The following LTBP1 variants were observed in gnomAD, a reference collection of about 807,000 sequenced individuals.
The protein encoded by LTBP1 is latent-transforming growth factor beta-binding protein 1.
A neutral mutation model predicts 207.6 loss-of-function variants in LTBP1; 129 were observed. That is an observed-to-expected ratio of 0.62 (90% CI 0.54 to 0.72). The LOEUF (loss-of-function observed/expected upper bound fraction) is 0.72. Among genes scored for constraint, LTBP1 ranks in the 30% least tolerant of loss-of-function variants. LTBP1 has a pLI of 0.00. For missense variants in LTBP1, 2,281 were observed against 2,217.2 expected, an observed-to-expected ratio of 1.03 and a Z score of -0.58; for synonymous variants, 963 against 833.7, an observed-to-expected ratio of 1.16 and a Z score of -2.67.
chr2:33,109,199 C>G (rs2080244025), intron 3 of LTBP1, among the ~76,000 whole-genome samples: 1 of 152,236 alleles, frequency 6.6e-6, no homozygotes, highest in African/African-American at 2.4e-5. Flanking sequence ...TAGAGTGAGA[C>G]TATTCAAGTT....
intron 31 of LTBP1, among the ~76,000 whole-genome samples, chr2:33,366,551 G>A (rs1252610511): frequency 6.6e-6 from 1 of 152,234 alleles, no homozygotes; most frequent in African/African-American, 2.4e-5. Context: ...CAAAGCACTA[G>A]ATGGCAATGA....
chr2:33,153,212 G>T (rs2083681764), intron 5 of LTBP1, among the ~76,000 whole-genome samples: 1 of 152,190 alleles, frequency 6.6e-6, no homozygotes, highest in African/African-American at 2.4e-5. Context: ...TACAACTCCA[G>T]TGATACATTG....
chr2:33,121,315 T>C (rs1462309628), intron 4 of LTBP1, among the ~76,000 whole-genome samples: 24 of 152,142 alleles, frequency 1.6e-4, no homozygotes, highest in Admixed American at 1.6e-3. Context: ...AAATATGCAG[T>C]GTTTTGTGAA....
At chr2:33,127,443 T>A (rs1039387825) in intron 4 of LTBP1, among the ~76,000 whole-genome samples, 1 of 152,186 alleles carries the variant, frequency 6.6e-6, no homozygotes, top group Non-Finnish European at 1.5e-5. Context: ...TGTCTGCCCT[T>A]CCTGTTGCTT....
In LTBP1 at chr2:33,397,413, A is replaced by ATT. The variant is rs543905217; in HGVS notation, c.4984+132_4984+133dup. The ATT allele has an allele frequency of 3.0e-4, 264 of 871,620 alleles. 1 individual carries two copies. In the African/African-American group the frequency reaches 4.0e-3, roughly 13 times the overall value. 54.0% of individuals were successfully genotyped at this position (871,620 alleles called of 1,614,324 possible). ...GATGAGAAAAGTTCTGGAGATGTAC[A>ATT]TTAAGTACAGTATGAATATACTTAA... On this transcript the variant is annotated intron_variant, in intron 33 of 33. Coordinates refer to ENST00000404816, the MANE Select transcript of LTBP1 (RefSeq NM_206943.4).
intron 22 of LTBP1, among the ~76,000 whole-genome samples, chr2:33,302,411 C>T (rs1371787824): frequency 1.3e-5 from 2 of 152,188 alleles, no homozygotes; most frequent in Non-Finnish European, 2.9e-5. Context: ...GTCTGAACCC[C>T]ACCTTTGAGA....
intron 15 of LTBP1, among the ~76,000 whole-genome samples, chr2:33,273,401 G>T (rs771066901): frequency 2.0e-5 from 3 of 152,090 alleles, no homozygotes; most frequent in Non-Finnish European, 4.4e-5. Context: ...CTTTTTCTGA[G>T]TTTCTTCTCA....
intron 22 of LTBP1, among the ~76,000 whole-genome samples, chr2:33,302,973 A>G (rs984369146): frequency 2.7e-5 from 4 of 150,882 alleles, no homozygotes; most frequent in African/African-American, 9.8e-5. Context: ...ACACACACAC[A>G]CACACACACA....
intron 17 of LTBP1, among the ~76,000 whole-genome samples, chr2:33,275,427 G>A (rs561000437): frequency 1.3e-4 from 20 of 152,142 alleles, no homozygotes; most frequent in Non-Finnish European, 2.5e-4. Flanking sequence ...GCCCACACCT[G>A]TAATCCCAGC....
intron 2 of LTBP1, among the ~76,000 whole-genome samples, chr2:32,980,246 T>C (rs554993915): frequency 7.2e-5 from 11 of 152,296 alleles, no homozygotes; most frequent in Admixed American, 6.5e-4. Context: ...TTCTTTCTGT[T>C]TTCGTTTTAG....
intron 9 of LTBP1, among the ~76,000 whole-genome samples, chr2:33,235,065 T>C (rs924281355): frequency 3.9e-5 from 6 of 152,108 alleles, no homozygotes; most frequent in Non-Finnish European, 8.8e-5. Flanking sequence ...CTAATTAAAC[T>C]AAAGAGCTTC....
intron 7 of LTBP1, among the ~76,000 whole-genome samples, chr2:33,198,986 A>G (rs1370314078): frequency 2.0e-5 from 3 of 151,682 alleles, no homozygotes; most frequent in Non-Finnish European, 4.4e-5. Context: ...TTTAATTGTG[A>G]TGTTAGGGTG....
chr2:33,353,408 C>G (rs1371005189), intron 26 of LTBP1, among the ~76,000 whole-genome samples: 1 of 152,182 alleles, frequency 6.6e-6, no homozygotes, highest in Non-Finnish European at 1.5e-5. Flanking sequence ...TCTCAACACG[C>G]CTTGCTTTTG....
intron 3 of LTBP1, among the ~76,000 whole-genome samples, chr2:33,105,850 G>A (rs191733838): frequency 1.3e-5 from 2 of 152,272 alleles, no homozygotes; most frequent in African/African-American, 4.8e-5. Context: ...AATGAAGTTT[G>A]CCACATCAAT....
intron 30 of LTBP1, among the ~76,000 whole-genome samples, chr2:33,365,109 G>A (rs1169520410): frequency 6.6e-6 from 1 of 152,166 alleles, no homozygotes; most frequent in Non-Finnish European, 1.5e-5. Flanking sequence ...GAGAACTATT[G>A]TGTCGGGACC....
chr2:33,101,821 T>C (rs2150143837), intron 3 of LTBP1, among the ~76,000 whole-genome samples: 1 of 152,332 alleles, frequency 6.6e-6, no homozygotes, highest in South Asian at 2.1e-4. Flanking sequence ...CTCAGGAGTT[T>C]AGTTATTAAC....
At chr2:33,146,070 A>G (rs2150882182) in intron 5 of LTBP1, among the ~76,000 whole-genome samples, 1 of 152,320 alleles carries the variant, frequency 6.6e-6, no homozygotes, top group African/African-American at 2.4e-5. Flanking sequence ...AAGGAAATTA[A>G]CTCTTAAAAG....
intron 31 of LTBP1, among the ~76,000 whole-genome samples, chr2:33,370,441 C>G (rs1038535373): frequency 2.0e-5 from 3 of 152,064 alleles, no homozygotes; most frequent in Non-Finnish European, 2.9e-5. Flanking sequence ...AAAGATGGGG[C>G]GGGGCGCGAG....
chr2:33,355,199 C>T lies in LTBP1; in HGVS notation c.4001-5398C>T, dbSNP rs191316167. On this transcript the variant is annotated intron_variant, in intron 26 of 33. Coordinates refer to ENST00000404816, the MANE Select transcript of LTBP1 (RefSeq NM_206943.4). ...ATGGGTTTGTGTTGTGTGTCATCTG[C>T]TTGTTCCCCCATCTCCATATGTGCT... Among the ~76,000 whole-genome samples, 304 of 152,022 alleles carry T rather than the reference C, an allele frequency of 2.0e-3. 1 individual carries two copies. Among genetic ancestry groups the T allele is most frequent in the Non-Finnish European group, 3.5e-3 (240 of 68,010 alleles).
Sources: allele counts gnomAD v4.1 joint callset (sites outside exome capture counted in the v4.1 genomes callset), GRCh38; gene constraint gnomAD v4.1.1; transcripts MANE v1.5; gene names NCBI Gene and HGNC (gene_info 2026-07-23, HGNC 2026-07-21).